The following SAMMSON variants were observed in gnomAD, a reference collection of about 807,000 sequenced individuals.
SAMMSON encodes long intergenic non-protein coding RNA 1212.
At chr3:70,327,355 C>G (rs1023522416) in intron 7 of SAMMSON, among the ~76,000 whole-genome samples, 2 of 152,116 alleles carry the variant, frequency 1.3e-5, no homozygotes, top group African/African-American at 4.8e-5. Flanking sequence ...ACAGTGACCC[C>G]TGAGGAAGGA....
intron 7 of SAMMSON, among the ~76,000 whole-genome samples, chr3:70,323,039 G>A (rs1049120274): frequency 2.0e-5 from 3 of 151,952 alleles, no homozygotes; most frequent in Non-Finnish European, 4.4e-5. Flanking sequence ...AAGGATAAGT[G>A]GAGATGATAA....
At chr3:70,292,585 C>A (rs555592691) in intron 7 of SAMMSON, among the ~76,000 whole-genome samples, 1 of 152,182 alleles carries the variant, frequency 6.6e-6, no homozygotes, top group South Asian at 2.1e-4. Context: ...TTATGCCAAA[C>A]TATTTTTTAT....
At chr3:70,101,409 G>A (rs188613347) in intron 4 of SAMMSON, among the ~76,000 whole-genome samples, 56 of 146,750 alleles carry the variant, frequency 3.8e-4, no homozygotes, top group East Asian at 1.2e-3. Context: ...AAAAAAAAAC[G>A]TACAAGAATT....
chr3:70,269,537 T>C (rs1701955184), intron 6 of SAMMSON, among the ~76,000 whole-genome samples: 1 of 152,186 alleles, frequency 6.6e-6, no homozygotes, highest in Admixed American at 6.5e-5. Flanking sequence ...TCCATAAATA[T>C]TTTTTGACCA....
rs1399693093 is a variant in SAMMSON, at chr3:70,003,257, GTTTGT to G, written n.22+3404_22+3408del. Among the ~76,000 whole-genome samples the G allele has an allele frequency of 4.6e-5, 7 of 151,950 alleles. No homozygotes were observed. In the East Asian group the frequency reaches 1.4e-3, roughly 29 times the overall value. On this transcript the variant is annotated intron_variant and non_coding_transcript_variant, in intron 1 of 9. Coordinates refer to ENST00000642114, the Ensembl canonical transcript of SAMMSON. Reference sequence around the variant, plus strand: ...AATGCCTTTTAAACAGTGTATAGTGGTTTGTTTTGTTTTGTTTTTAAATCCAGTTG... The same window carrying G: ...AATGCCTTTTAAACAGTGTATAGTGGTTTGTTTTGTTTTTAAATCCAGTTG...
intron 4 of SAMMSON, among the ~76,000 whole-genome samples, chr3:70,162,685 T>G (rs981978688): frequency 3.3e-5 from 5 of 151,940 alleles, no homozygotes; most frequent in African/African-American, 1.2e-4. Context: ...TTCTATATCC[T>G]TGCTGATTTT....
intron 3 of SAMMSON, among the ~76,000 whole-genome samples, chr3:70,052,508 A>G (rs928242472): frequency 6.6e-5 from 10 of 152,168 alleles, no homozygotes; most frequent in Non-Finnish European, 1.2e-4. Context: ...TTATTTGTAC[A>G]CTGCATGTAT....
intron 4 of SAMMSON, among the ~76,000 whole-genome samples, chr3:70,169,903 T>A (rs905056026): frequency 6.6e-6 from 1 of 151,838 alleles, no homozygotes; most frequent in African/African-American, 2.4e-5. Context: ...TCAGAAGGTA[T>A]CAAACTCATG....
intron 4 of SAMMSON, among the ~76,000 whole-genome samples, chr3:70,228,443 C>T (rs1451315517): frequency 2.0e-5 from 3 of 151,776 alleles, no homozygotes; most frequent in Non-Finnish European, 4.4e-5. Flanking sequence ...AATAATGCTT[C>T]ACTGATAGAG....
Position 70,282,291 on chromosome 3 carries a change from C to T in SAMMSON, n.675-8888C>T, listed in dbSNP as rs146129684. Among the ~76,000 whole-genome samples the T allele has an allele frequency of 1.2e-3, 190 of 152,282 alleles. 1 individual carries two copies. Among genetic ancestry groups the T allele is most frequent in the African/African-American group, 4.4e-3 (184 of 41,560 alleles). On this transcript the variant is annotated intron_variant and non_coding_transcript_variant, in intron 6 of 9. Transcript: ENST00000642114. Reference sequence around the variant, plus strand: ...ACACCTGGTGTTTCAGTAACAGACACACCACTTAAGAAGATGTATCCACCA... The same window carrying T: ...ACACCTGGTGTTTCAGTAACAGACATACCACTTAAGAAGATGTATCCACCA...
At chr3:70,167,324 G>C (rs1352928239) in intron 4 of SAMMSON, among the ~76,000 whole-genome samples, 5 of 151,960 alleles carry the variant, frequency 3.3e-5, no homozygotes, top group Non-Finnish European at 7.4e-5. Context: ...AATGGGTACA[G>C]AATATATAGT....
intron 4 of SAMMSON, among the ~76,000 whole-genome samples, chr3:70,165,026 A>T (rs1183830357): frequency 1.3e-5 from 2 of 151,852 alleles, no homozygotes; most frequent in African/African-American, 4.8e-5. Flanking sequence ...TAAGACATAT[A>T]TAAGATATGT....
intron 6 of SAMMSON, chr3:70,272,408 C>CT (rs1701983941): frequency 6.6e-6 from 1 of 152,178 alleles, no homozygotes; most frequent in Non-Finnish European, 1.5e-5. Flanking sequence ...CAATATAATG[C>CT]TTTTGAGGTT....
intron 7 of SAMMSON, among the ~76,000 whole-genome samples, chr3:70,339,819 G>A (rs1297107363): frequency 6.6e-6 from 1 of 152,188 alleles, no homozygotes; most frequent in Non-Finnish European, 1.5e-5. Flanking sequence ...CTGCAAACTA[G>A]TTCAACCATT....
intron 4 of SAMMSON, among the ~76,000 whole-genome samples, chr3:70,100,911 C>T (rs1216166786): frequency 6.6e-6 from 1 of 152,154 alleles, no homozygotes; most frequent in Middle Eastern, 3.2e-3. Context: ...CCTCAGGGTA[C>T]ATATTGTTCA....
intron 4 of SAMMSON, among the ~76,000 whole-genome samples, chr3:70,174,097 A>ATC (rs5849944): frequency 0.99 from 150,039 of 151,934 alleles, 74,111 homozygotes; most frequent in South Asian, 1. Flanking sequence ...GTCCAGCTTA[A>ATC]TCTCATATAA....
At position 70,224,059 on chromosome 3, in the gene SAMMSON, A is replaced by G. The variant is rs76553702; in HGVS notation, n.508-25048A>G. Among the ~76,000 whole-genome samples, 1,298 of 152,282 alleles carry G rather than the reference A, an allele frequency of 8.5e-3. 22 individuals are homozygous for G. Among genetic ancestry groups the G allele is most frequent in the African/African-American group, 0.029 (1,224 of 41,574 alleles). ...TATCTTGATCTCTATTCTTTATCAC[A>G]GTAGATACTGTAACAAACACCAGGT... On this transcript the variant is annotated intron_variant and non_coding_transcript_variant, in intron 4 of 9. Transcript: ENST00000642114.
At position 70,146,887 on chromosome 3, in the gene SAMMSON, G is replaced by A. The variant is rs182137977; in HGVS notation, n.507+75322G>A. ...ATATTGGAAAAGAAGAAATAAGACC[G>A]TCACCTATTCACAGATGATATAATT... On this transcript the variant is annotated intron_variant and non_coding_transcript_variant, in intron 4 of 9. Transcript: ENST00000642114. Among the ~76,000 whole-genome samples the A allele has an allele frequency of 5.1e-4, 78 of 151,980 alleles. No homozygotes were observed. The East Asian group carries it at 0.012, about 24-fold the overall frequency.
chr3:70,347,761 G>A (rs71298339), intron 7 of SAMMSON, among the ~76,000 whole-genome samples: 1 of 152,152 alleles, frequency 6.6e-6, no homozygotes, highest in African/African-American at 2.4e-5. Context: ...AAAACGTTAG[G>A]GTCGGGAGCA....
Sources: allele counts gnomAD v4.1 joint callset (sites outside exome capture counted in the v4.1 genomes callset), GRCh38; gene constraint gnomAD v4.1.1; transcripts MANE v1.5; gene names NCBI Gene and HGNC (gene_info 2026-07-23, HGNC 2026-07-21).